LRRC7: variants seen among roughly 807,000 people sequenced by gnomAD.
LRRC7 encodes leucine-rich repeat-containing protein 7.
LRRC7 carries 23 observed loss-of-function variants against 175.7 expected under a neutral mutation model. The observed-to-expected ratio is 0.13, with a 90% CI of 0.09 to 0.19. LRRC7 has a LOEUF of 0.19. Ranked by LOEUF, LRRC7 falls within the 10% of genes least tolerant of loss-of-function variation. LRRC7 has a pLI of 1.00. For missense variants in LRRC7, 1,354 were observed against 1,904.7 expected, an observed-to-expected ratio of 0.71 and a Z score of 5.38; for synonymous variants, 685 against 680.9, an observed-to-expected ratio of 1.01 and a Z score of -0.09.
chr1:69,890,332 G>A (rs948359223), intron 7 of LRRC7, among the ~76,000 whole-genome samples: 2 of 152,166 alleles, frequency 1.3e-5, no homozygotes, highest in Admixed American at 6.5e-5. Flanking sequence ...GGAGCTTTTG[G>A]GTGACTAGGT....
intron 8 of LRRC7, among the ~76,000 whole-genome samples, chr1:69,945,688 T>C (rs190733006): frequency 2.5e-3 from 383 of 152,274 alleles, no homozygotes; most frequent in African/African-American, 8.7e-3. Context: ...ATCAACATTT[T>C]ATAGTTTTCA....
rs536939555 is a variant in LRRC7 at position 69,847,200 on chromosome 1, T to C, written c.647+8917T>C. On this transcript the variant is annotated intron_variant, in intron 7 of 26. Coordinates refer to ENST00000651989, the MANE Select transcript of LRRC7 (RefSeq NM_001370785.2). ...CCATTGTTTGTATCTTCATGTATCT[T>C]ATAAATTCATTATTGTGGATTTTTG... is the stretch of plus-strand genomic sequence containing the variant. Among the ~76,000 whole-genome samples the C allele has an allele frequency of 6.6e-5, 10 of 152,254 alleles. No homozygotes were observed. In the South Asian group the frequency reaches 1.7e-3, roughly 25 times the overall value.
chr1:69,600,800 CTTTTTTTTTTTT>C (rs59212223), intron 1 of LRRC7, among the ~76,000 whole-genome samples: 806 of 64,902 alleles, frequency 0.012, 53 homozygotes, highest in African/African-American at 0.048. Context: ...TCTCTGGTTT[CTTTTTTTTTTTT>C]TTTTTTTTTT....
chr1:69,947,141 A>C (rs1406859540), intron 8 of LRRC7, among the ~76,000 whole-genome samples: 2 of 151,642 alleles, frequency 1.3e-5, no homozygotes, highest in African/African-American at 4.8e-5. Context: ...ATAAATAAAT[A>C]AATAAATAAA....
chr1:69,590,890 G>C (rs1348015350), intron 1 of LRRC7, among the ~76,000 whole-genome samples: 4 of 151,978 alleles, frequency 2.6e-5, no homozygotes, highest in East Asian at 3.9e-4. Context: ...GAGAGGTAAG[G>C]ATTGAGAAAT....
intron 6 of LRRC7, among the ~76,000 whole-genome samples, chr1:69,836,513 A>G (rs1681122723): frequency 6.6e-6 from 1 of 151,952 alleles, no homozygotes; most frequent in African/African-American, 2.4e-5. Flanking sequence ...AGATTTGGGC[A>G]AGTGAAAAAC....
chr1:69,974,305 T>A (rs1163709741), intron 8 of LRRC7, among the ~76,000 whole-genome samples: 1 of 152,218 alleles, frequency 6.6e-6, no homozygotes, highest in South Asian at 2.1e-4. Context: ...ATTCTGTAAT[T>A]AACATTTTTA....
chr1:70,059,453 C>T (rs770925945), intron 23 of LRRC7, among the ~76,000 whole-genome samples: 1 of 148,318 alleles, frequency 6.7e-6, no homozygotes. Flanking sequence ...AGGAATTTAT[C>T]AGAAGAAGAA....
chr1:69,989,503 A>C (rs554878257), intron 10 of LRRC7, among the ~76,000 whole-genome samples: 34 of 152,294 alleles, frequency 2.2e-4, no homozygotes, highest in Middle Eastern at 3.4e-3. Flanking sequence ...AGTATGATAT[A>C]GTCAGGTATA....
chr1:70,121,456 T>C (rs1319347559), intron 26 of LRRC7, among the ~76,000 whole-genome samples: 1 of 151,972 alleles, frequency 6.6e-6, no homozygotes, highest in African/African-American at 2.4e-5. Flanking sequence ...ACCACCCTAA[T>C]CAGCCCCTGC....
chr1:69,810,419 AT>A (rs1253473835), intron 4 of LRRC7, among the ~76,000 whole-genome samples: 5 of 151,962 alleles, frequency 3.3e-5, no homozygotes, highest in African/African-American at 4.8e-5. Flanking sequence ...TTAGAAAAAA[AT>A]ATTTTAAATT....
chr1:69,647,747 A>C (rs1216257342), intron 1 of LRRC7, among the ~76,000 whole-genome samples: 1 of 152,162 alleles, frequency 6.6e-6, no homozygotes, highest in Non-Finnish European at 1.5e-5. Flanking sequence ...TGCACAAGCA[A>C]TCATACATGT....
chr1:69,587,718 G>C (rs968040645), intron 1 of LRRC7, among the ~76,000 whole-genome samples: 1 of 152,098 alleles, frequency 6.6e-6, no homozygotes, highest in Non-Finnish European at 1.5e-5. Flanking sequence ...GATAGTTCTT[G>C]TGATAGTTCT....
At chr1:70,094,231 T>C (rs575194414) in intron 25 of LRRC7, among the ~76,000 whole-genome samples, 7 of 152,264 alleles carry the variant, frequency 4.6e-5, no homozygotes, top group South Asian at 2.1e-4. Context: ...TACTGGGGCA[T>C]TGGGGCCAGA....
rs1259022188 is a variant in LRRC7, at chr1:70,133,923, A to ATT, written c.*12036_*12037insTT. Among the ~76,000 whole-genome samples the ATT allele has an allele frequency of 6.6e-6, 1 of 152,160 alleles. No homozygotes were observed. Among genetic ancestry groups the ATT allele is most frequent in the Non-Finnish European group, 1.5e-5 (1 of 68,022 alleles). On this transcript the variant is annotated 3_prime_UTR_variant, in exon 27 of 27. Coordinates refer to ENST00000651989, the MANE Select transcript of LRRC7 (RefSeq NM_001370785.2). ...TCAAGTTACTCAAAATTTATTTTTA[A>ATT]AGTTAACTTTCCAAAACTTAAACAT...
intron 7 of LRRC7, among the ~76,000 whole-genome samples, chr1:69,879,433 C>T (rs1394912355): frequency 6.6e-6 from 1 of 152,054 alleles, no homozygotes; most frequent in Admixed American, 6.6e-5. Context: ...TTCTGAGAGG[C>T]TACTGAAAGG....
chr1:70,036,831 T>G (rs1376704573), intron 20 of LRRC7, among the ~76,000 whole-genome samples: 1 of 152,032 alleles, frequency 6.6e-6, no homozygotes, highest in African/African-American at 2.4e-5. Flanking sequence ...AAGGAAGACA[T>G]GGTAGGAGTT....
At chr1:69,655,617 T>G (rs1220848751) in intron 1 of LRRC7, among the ~76,000 whole-genome samples, 1 of 152,030 alleles carries the variant, frequency 6.6e-6, no homozygotes, top group Non-Finnish European at 1.5e-5. Flanking sequence ...AGTTAGGAAA[T>G]GCAAGATTTT....
chr1:69,955,440 G>A (rs1171442208), intron 8 of LRRC7, among the ~76,000 whole-genome samples: 1 of 151,956 alleles, frequency 6.6e-6, no homozygotes, highest in Non-Finnish European at 1.5e-5. Flanking sequence ...AGAAGAGGCA[G>A]CAGGAAAGAG....
Sources: allele counts gnomAD v4.1 joint callset (sites outside exome capture counted in the v4.1 genomes callset), GRCh38; gene constraint gnomAD v4.1.1; transcripts MANE v1.5; gene names NCBI Gene and HGNC (gene_info 2026-07-23, HGNC 2026-07-21).